The following RABEP1 variants were observed in gnomAD, a reference collection of about 807,000 sequenced individuals.
RABEP1 encodes rabaptin, RAB GTPase binding effector protein 1.
RABEP1 carries 51 observed loss-of-function variants against 123.4 expected under a neutral mutation model. The observed-to-expected ratio is 0.41, with a 90% confidence interval of 0.33 to 0.52. The LOEUF (loss-of-function observed/expected upper bound fraction) is 0.52. Ranked by LOEUF, RABEP1 falls within the 20% of genes least tolerant of loss-of-function variation. The probability of loss-of-function intolerance (pLI) is 0.16; values close to 1 mark genes in which losing one functional copy is unlikely to be tolerated. For synonymous variants in RABEP1, 347 were observed against 355.2 expected, an observed-to-expected ratio of 0.98 and a Z score of 0.26; for missense variants, 888 against 996.3, an observed-to-expected ratio of 0.89 and a Z score of 1.46.
intron 11 of RABEP1, among the ~76,000 whole-genome samples, chr17:5,366,592 C>G (rs1015898418): frequency 6.6e-6 from 1 of 151,860 alleles, no homozygotes; most frequent in Non-Finnish European, 1.5e-5. Context: ...ATTACAGGCA[C>G]TTACCACCAC....
At position 5,384,923 on chromosome 17, in the gene RABEP1, ATT is replaced by A. The variant is rs1911823138; in HGVS notation, c.*1702_*1703del. 8.9e-6 allele frequency: 2 copies of A among 224,638 alleles called. No individual in the cohort carries two copies. Among genetic ancestry groups the A allele is most frequent in the Non-Finnish European group, 1.8e-5 (2 of 112,934 alleles). 13.9% of individuals were successfully genotyped at this position (224,638 alleles called of 1,614,324 possible). On this transcript the variant is annotated 3_prime_UTR_variant, in exon 18 of 18. Transcript: ENST00000537505. Reference sequence around the variant, plus strand: ...AGTCCCTTGGATAAGCCCCAAGCGAATTTGTCTTCAGATTATTAAAATTAGTG... The same window carrying A: ...AGTCCCTTGGATAAGCCCCAAGCGAATGTCTTCAGATTATTAAAATTAGTG...
chr17:5,329,818 C>CT (rs1906350627), intron 2 of RABEP1, among the ~76,000 whole-genome samples: 1 of 143,092 alleles, frequency 7.0e-6, no homozygotes, highest in African/African-American at 2.5e-5. Context: ...TATATATGTT[C>CT]ATATATATAT....
Position 5,350,515 on chromosome 17 carries a change from C to T in RABEP1, c.849C>T (p.Ala283=), listed in dbSNP as rs769813779. Residue 283 remains alanine (A), a synonymous_variant, in exon 7 of 18, where the codon GCC becomes GCT. Transcript: ENST00000537505. ...HNQLKHTWQK[A]NDQFLESQRL... ...AGTTAAAACATACGTGGCAGAAGGC[C>T]AATGACCAGTTTCTGGAATCTCAGC... 6.2e-7 allele frequency: 1 copy of T among 1,614,062 alleles called. No homozygotes were observed.
chr17:5,300,245 T>C (rs879614250), intron 1 of RABEP1, among the ~76,000 whole-genome samples: 8 of 152,196 alleles, frequency 5.3e-5, no homozygotes, highest in Non-Finnish European at 1.2e-4. Flanking sequence ...TAGGCTTCTC[T>C]AGACTGTGAA....
rs548636323 is a variant in RABEP1 at position 5,291,436 on chromosome 17, A to C, written c.34+8916A>C. On this transcript the variant is annotated intron_variant, in intron 1 of 17. Transcript: ENST00000537505. The stretch of plus-strand genomic sequence containing the variant: ...AAAAAAAAGAAAACTAGACTTACAC[A>C]TAATTCTGTCCTTTATTTTTTTATT... 2.0e-5 allele frequency among the ~76,000 whole-genome samples: 3 copies of C among 152,294 alleles called. No homozygotes were observed. In the South Asian group the frequency reaches 6.2e-4, roughly 32 times the overall value.
intron 7 of RABEP1, among the ~76,000 whole-genome samples, chr17:5,353,362 T>C (rs1908730198): frequency 6.6e-6 from 1 of 152,232 alleles, no homozygotes; most frequent in African/African-American, 2.4e-5. Flanking sequence ...TCATTGTTTT[T>C]CTCCTTCTTT....
intron 6 of RABEP1, among the ~76,000 whole-genome samples, chr17:5,349,167 A>C (rs1908313567): frequency 6.6e-6 from 1 of 152,124 alleles, no homozygotes; most frequent in South Asian, 2.1e-4. Flanking sequence ...GGCTTCAGTG[A>C]AGGGTTTTAG....
chr17:5,358,184 AAAC>A (rs1909191586), intron 8 of RABEP1, among the ~76,000 whole-genome samples: 1 of 152,208 alleles, frequency 6.6e-6, no homozygotes, highest in South Asian at 2.1e-4. Flanking sequence ...CAGTAAATCA[AAAC>A]ATTATGAAAT....
chr17:5,336,013 A>G (rs1907047918), intron 4 of RABEP1, among the ~76,000 whole-genome samples: 2 of 152,178 alleles, frequency 1.3e-5, no homozygotes, highest in South Asian at 4.1e-4. Flanking sequence ...GCTTGAACAT[A>G]ATACCATATA....
chr17:5,293,304 A>T (rs543715415), intron 1 of RABEP1, among the ~76,000 whole-genome samples: 34 of 152,252 alleles, frequency 2.2e-4, no homozygotes, highest in Admixed American at 2.2e-3. Context: ...CAAAAAAAAA[A>T]ATCTGTATAT....
At chr17:5,367,259 C>G (rs557040804) in intron 11 of RABEP1, among the ~76,000 whole-genome samples, 1 of 151,630 alleles carries the variant, frequency 6.6e-6, no homozygotes, top group South Asian at 2.1e-4. Context: ...CACACACACA[C>G]ACACACACAC....
At chr17:5,372,704 TTGAAC>T (rs1910617015) in intron 12 of RABEP1, among the ~76,000 whole-genome samples, 1 of 152,202 alleles carries the variant, frequency 6.6e-6, no homozygotes, top group Admixed American at 6.5e-5. Flanking sequence ...GCCACTTCCA[TTGAAC>T]TAGAGATCCT....
rs1909520569 is a variant in RABEP1 at position 5,361,409 on chromosome 17, A to T, written c.1297A>T (p.Asn433Tyr). ...TAACTACAAAGCAAAATCTGCTGGA[A>T]ACCTGGACGAGTCAGATTTTGGACC... is the stretch of plus-strand genomic sequence containing the variant. ...GYNYKAKSAG[N>Y]LDESDFGPLV... Residue 433 changes from asparagine (N) to tyrosine (Y), a missense_variant, in exon 9 of 18, where the codon AAC (asparagine) becomes TAC (tyrosine). Coordinates refer to ENST00000537505, the MANE Select transcript of RABEP1 (RefSeq NM_004703.6). 2 of 1,614,204 alleles carry T rather than the reference A, an allele frequency of 1.2e-6. No homozygotes were observed. The highest frequency in any genetic ancestry group is 1.7e-6 in the Non-Finnish European group (2 of 1,180,022).
chr17:5,334,683 A>G (rs1166046673), intron 3 of RABEP1, among the ~76,000 whole-genome samples: 1 of 152,188 alleles, frequency 6.6e-6, no homozygotes, highest in Non-Finnish European at 1.5e-5. Context: ...TTAAGATTAT[A>G]TTAAAGAGAA....
chr17:5,285,853 T>G (rs2074972449), intron 1 of RABEP1, among the ~76,000 whole-genome samples: 1 of 98,782 alleles, frequency 1.0e-5, no homozygotes. Context: ...TCTTCATTCT[T>G]CTTAAAGACG....
chr17:5,325,682 A>G lies in RABEP1; in HGVS notation c.164-6267A>G, dbSNP rs192926349. 2.0e-5 allele frequency among the ~76,000 whole-genome samples: 3 copies of G among 152,266 alleles called. No individual in the cohort carries two copies. In the East Asian group the frequency reaches 5.8e-4, roughly 29 times the overall value. ...ATAGAAGAATTCGAATGGTTCTAGC[A>G]TAAAGAAAAGACAACCCTTGGTGTC... On this transcript the variant is annotated intron_variant, in intron 2 of 17. Transcript: ENST00000537505.
chr17:5,291,510 CAATT>C (rs1349078360), intron 1 of RABEP1, among the ~76,000 whole-genome samples: 2 of 152,314 alleles, frequency 1.3e-5, no homozygotes, highest in African/African-American at 2.4e-5. Flanking sequence ...TATTTTAAAA[CAATT>C]GATCATATTG....
At chr17:5,308,261 T>C (rs906131919) in intron 1 of RABEP1, among the ~76,000 whole-genome samples, 3 of 149,658 alleles carry the variant, frequency 2.0e-5, no homozygotes. Context: ...AGTCTCACTC[T>C]GTCACCCAGG....
intron 4 of RABEP1, among the ~76,000 whole-genome samples, chr17:5,336,323 CTA>C (rs1907081217): frequency 6.6e-6 from 1 of 152,110 alleles, no homozygotes; most frequent in Admixed American, 6.6e-5. Flanking sequence ...TACAGAGTTC[CTA>C]TATACTCCAT....
Sources: allele counts gnomAD v4.1 joint callset (sites outside exome capture counted in the v4.1 genomes callset), GRCh38; gene constraint gnomAD v4.1.1; transcripts MANE v1.5; gene names NCBI Gene and HGNC (gene_info 2026-07-23, HGNC 2026-07-21).